The following TCF7L2 variants were observed in gnomAD, a reference collection of about 807,000 sequenced individuals.
The protein encoded by TCF7L2 is transcription factor 7-like 2.
A neutral mutation model predicts 77.9 loss-of-function variants in TCF7L2; 23 were observed. That is an observed-to-expected ratio of 0.30 (90% CI 0.21 to 0.42). The LOEUF (loss-of-function observed/expected upper bound fraction) is 0.42. TCF7L2 is among the 10% of genes least tolerant of loss of function. The probability of loss-of-function intolerance (pLI) is 1.00; values close to 1 mark genes in which losing one functional copy is unlikely to be tolerated. For missense variants in TCF7L2, 654 were observed against 793.1 expected, an observed-to-expected ratio of 0.82 and a Z score of 2.11; for synonymous variants, 413 against 340.2, an observed-to-expected ratio of 1.21 and a Z score of -2.36.
At chr10:112,974,194 T>C (rs1037826822) in intron 4 of TCF7L2, among the ~76,000 whole-genome samples, 6 of 152,270 alleles carry the variant, frequency 3.9e-5, no homozygotes, top group African/African-American at 1.2e-4. Flanking sequence ...TTAAAACTTA[T>C]ATCTGTTTTA....
chr10:113,141,333 G>A lies in TCF7L2; in HGVS notation c.685+17G>A, dbSNP rs148377922. ...CCAAAACAGGTAGGCTGTGGGCTACGGAGCCAAGGTAGAGTGCTGGTCCTG... is the reference window on the plus strand; with the variant it reads ...CCAAAACAGGTAGGCTGTGGGCTACAGAGCCAAGGTAGAGTGCTGGTCCTG... On this transcript the variant is annotated intron_variant, in intron 6 of 13. Coordinates refer to ENST00000627217, the MANE Select transcript of TCF7L2 (RefSeq NM_001146274.2). 7.4e-4 allele frequency: 1,193 copies of A among 1,614,006 alleles called. 15 individuals carry two copies. In the East Asian group the frequency reaches 0.018, roughly 25 times the overall value.
At chr10:113,144,065 C>G (rs2136933764) in intron 7 of TCF7L2, 40 bp downstream of exon 7, 1 of 1,491,054 alleles carries the variant, frequency 6.7e-7, no homozygotes, top group Non-Finnish European at 9.3e-7. Flanking sequence ...TTGTTTCTTA[C>G]ATGGGCATGT....
At chr10:112,983,301 C>G (rs1288571823) in intron 4 of TCF7L2, among the ~76,000 whole-genome samples, 3 of 151,802 alleles carry the variant, frequency 2.0e-5, no homozygotes, top group Non-Finnish European at 4.4e-5. Flanking sequence ...GAAACCCCGT[C>G]TCTACTAAAA....
At chr10:113,100,469 G>A (rs1056760823) in intron 5 of TCF7L2, among the ~76,000 whole-genome samples, 3 of 151,508 alleles carry the variant, frequency 2.0e-5, no homozygotes, top group Admixed American at 1.3e-4. Flanking sequence ...AAACACCCAC[G>A]TGAGAAGGTG....
chr10:112,992,429 G>A (rs2042730743), intron 4 of TCF7L2, among the ~76,000 whole-genome samples: 1 of 152,216 alleles, frequency 6.6e-6, no homozygotes, highest in African/African-American at 2.4e-5. Flanking sequence ...GTGAGAATCT[G>A]TGGGCGTTGG....
intron 5 of TCF7L2, among the ~76,000 whole-genome samples, chr10:113,043,064 T>G (rs990320909): frequency 6.6e-6 from 1 of 152,266 alleles, no homozygotes; most frequent in Non-Finnish European, 1.5e-5. Flanking sequence ...GGATTGCTTC[T>G]TAATTTCCCC....
chr10:113,029,960 C>G (rs1242422586), intron 4 of TCF7L2, among the ~76,000 whole-genome samples: 1 of 152,144 alleles, frequency 6.6e-6, no homozygotes, highest in African/African-American at 2.4e-5. Flanking sequence ...TTAAGGTGTA[C>G]AGTTCAGTGG....
intron 5 of TCF7L2, among the ~76,000 whole-genome samples, chr10:113,100,154 G>A (rs1470797225): frequency 6.6e-6 from 1 of 152,176 alleles, no homozygotes; most frequent in African/African-American, 2.4e-5. Flanking sequence ...TGTCTTCCAG[G>A]TGGGAGAAGA....
At chr10:112,964,808 G>GTGA (rs1491120129) in intron 4 of TCF7L2, among the ~76,000 whole-genome samples, 184 bp downstream of exon 4, 1,480 of 116,054 alleles carry the variant, frequency 0.013, 3 homozygotes, top group East Asian at 0.033. Flanking sequence ...GGTGGTGGTG[G>GTGA]TGGTGGGGGG....
intron 3 of TCF7L2, among the ~76,000 whole-genome samples, chr10:112,960,691 G>GA (rs546442893): frequency 6.9e-6 from 1 of 144,732 alleles, no homozygotes; most frequent in Non-Finnish European, 1.5e-5. Context: ...ATGGGAACCT[G>GA]TTTTTTTTTT....
At chr10:113,132,300 A>G (rs2066725020) in intron 5 of TCF7L2, among the ~76,000 whole-genome samples, 1 of 152,228 alleles carries the variant, frequency 6.6e-6, no homozygotes, top group African/African-American at 2.4e-5. Flanking sequence ...ATGATTTTCA[A>G]ATGCAGGCTG....
intron 5 of TCF7L2, among the ~76,000 whole-genome samples, chr10:113,098,837 T>C (rs181727114): frequency 1.2e-3 from 182 of 152,366 alleles, no homozygotes; most frequent in African/African-American, 4.2e-3. Flanking sequence ...ACAGAACAGC[T>C]CCATCGCCCT....
rs2069126913 is a variant in TCF7L2 at position 113,145,171 on chromosome 10, C to T, written c.789-840C>T. Among the ~76,000 whole-genome samples, 3 of 151,258 alleles carry T rather than the reference C, an allele frequency of 2.0e-5. No individual in the cohort carries two copies. The South Asian group carries it at 6.3e-4, about 32-fold the overall frequency. On this transcript the variant is annotated intron_variant, in intron 7 of 13. Transcript: ENST00000627217. The stretch of plus-strand genomic sequence containing the variant: ...ATTATGTAGTAGCTGTACCAAATAC[C>T]AACCCTGGGTATAGTTTCTGTTTCT...
At chr10:113,055,217 T>A (rs1346409387) in intron 5 of TCF7L2, among the ~76,000 whole-genome samples, 2 of 152,226 alleles carry the variant, frequency 1.3e-5, no homozygotes, top group African/African-American at 4.8e-5. Flanking sequence ...CTGGATGAGT[T>A]GATTGGATCA....
At chr10:113,107,401 G>A (rs2062472007) in intron 5 of TCF7L2, among the ~76,000 whole-genome samples, 1 of 152,100 alleles carries the variant, frequency 6.6e-6, no homozygotes, top group Non-Finnish European at 1.5e-5. Flanking sequence ...AGTACAGTCA[G>A]GGGCTGTTGA....
rs373873163 is a variant in TCF7L2, at chr10:113,151,396, C to T, written c.1001+273C>T. Among the ~76,000 whole-genome samples the T allele has an allele frequency of 3.5e-4, 54 of 152,146 alleles. 1 individual carries two copies. Among genetic ancestry groups the T allele is most frequent in the African/African-American group, 1.3e-3 (52 of 41,514 alleles). On this transcript the variant is annotated intron_variant, in intron 9 of 13. Coordinates refer to ENST00000627217, the MANE Select transcript of TCF7L2 (RefSeq NM_001146274.2). The surrounding 1 kb of genome is among the most constrained non-coding windows in gnomAD (Gnocchi z 5.2). ...TGCAACCACTTCCCTGCCCCCTAACCGCATCATTGAACATTTAGAGCTTTG... is the reference window on the plus strand; with the variant it reads ...TGCAACCACTTCCCTGCCCCCTAACTGCATCATTGAACATTTAGAGCTTTG...
At chr10:113,014,747 C>CT (rs1316338976) in intron 4 of TCF7L2, among the ~76,000 whole-genome samples, 1 of 152,132 alleles carries the variant, frequency 6.6e-6, no homozygotes, top group Non-Finnish European at 1.5e-5. Context: ...GATTGTGCCA[C>CT]TGCCCTCCAG....
At chr10:113,025,299 C>T (rs1170861699) in intron 4 of TCF7L2, among the ~76,000 whole-genome samples, 4 of 146,266 alleles carry the variant, frequency 2.7e-5, no homozygotes, top group East Asian at 2.0e-4. Context: ...GTGCAAGTGG[C>T]GCGTTCTTGG....
intron 4 of TCF7L2, among the ~76,000 whole-genome samples, chr10:112,986,946 T>A (rs910987233): frequency 3.3e-5 from 5 of 152,200 alleles, no homozygotes; most frequent in Admixed American, 2.0e-4. Flanking sequence ...TATTGGTGGG[T>A]GAAGACATGC....
Sources: gnomAD v4.1 joint callset for allele counts (sites outside exome capture counted in the v4.1 genomes callset) on GRCh38, gnomAD v4.1.1 for gene constraint, Gnocchi (gnomAD v3.1) non-coding constraint, MANE v1.5 for transcripts, NCBI Gene and HGNC (gene_info 2026-07-23, HGNC 2026-07-21) for gene names.